The following GALK2 variants were observed in gnomAD, a reference collection of about 807,000 sequenced individuals.
The protein encoded by GALK2 is galactokinase 2, also known as N-acetylgalactosamine kinase.
In GALK2, 36 loss-of-function variants were observed where a neutral mutation model predicts 52.4. That is an observed-to-expected ratio of 0.69 (90% CI 0.53 to 0.91). The LOEUF (loss-of-function observed/expected upper bound fraction) is 0.91, where lower values mean the gene tolerates loss of function less well. Ranked by LOEUF, GALK2 falls within the 40% of genes least tolerant of loss-of-function variation. GALK2 has a pLI of 0.00. For synonymous variants in GALK2, 176 were observed against 199.1 expected (o/e 0.88, Z 0.98); for missense variants, 579 against 559.1 (o/e 1.04, Z -0.36).
rs190501547 is a variant in GALK2 at position 49,280,526 on chromosome 15, G to A, written c.505-1461G>A. Among the ~76,000 whole-genome samples the A allele has an allele frequency of 3.0e-3, 452 of 152,288 alleles. 5 individuals are homozygous for A. Among genetic ancestry groups the A allele is most frequent in the African/African-American group, 0.01 (428 of 41,558 alleles). On this transcript the variant is annotated intron_variant, in intron 5 of 9. Coordinates refer to ENST00000560031, the MANE Select transcript of GALK2 (RefSeq NM_002044.4). ...TGGTGGGAGAGCAGGCTGGAGAAGT[G>A]CACTAGGGTTAAGTCATTAAAGACC... is the stretch of plus-strand genomic sequence containing the variant.
At chr15:49,354,872 C>T (rs1166380651) in intron 3 of GALK2, among the ~76,000 whole-genome samples, 1 of 151,924 alleles carries the variant, frequency 6.6e-6, no homozygotes, top group Non-Finnish European at 1.5e-5. Flanking sequence ...AGTGGTTCTC[C>T]CAGCATGCAG....
At chr15:49,362,047 T>C (rs2044333236) in intron 3 of GALK2, among the ~76,000 whole-genome samples, 1 of 152,228 alleles carries the variant, frequency 6.6e-6, no homozygotes, top group African/African-American at 2.4e-5. Context: ...ATGTCTTCTT[T>C]TGAAATGTGT....
chr15:49,159,367 G>A (rs906498316), intron 1 of GALK2, among the ~76,000 whole-genome samples: 2 of 152,126 alleles, frequency 1.3e-5, no homozygotes, highest in African/African-American at 4.8e-5. Flanking sequence ...CCTGAGGTCA[G>A]GAGTTTGAGA....
intron 1 of GALK2, among the ~76,000 whole-genome samples, chr15:49,181,696 AAT>A (rs112466910): frequency 5.1e-4 from 78 of 152,024 alleles, no homozygotes; most frequent in African/African-American, 1.8e-3. Flanking sequence ...ATTTAAAAAA[AAT>A]AGTTTTTTAT....
intron 3 of GALK2, among the ~76,000 whole-genome samples, chr15:49,357,723 C>A (rs552696911): frequency 6.6e-6 from 1 of 152,132 alleles, no homozygotes; most frequent in East Asian, 1.9e-4. Flanking sequence ...AGGGAATCCT[C>A]CCTAACTCAT....
At chr15:49,349,640 G>A (rs1210264375) in intron 3 of GALK2, among the ~76,000 whole-genome samples, 1 of 152,082 alleles carries the variant, frequency 6.6e-6, no homozygotes, top group Non-Finnish European at 1.5e-5. Flanking sequence ...GCATCAAAGG[G>A]AATTGAGCAG....
At chr15:49,318,936 T>C (rs1188691578) in intron 8 of GALK2, 2 of 452,874 alleles carry the variant, frequency 4.4e-6, no homozygotes, top group South Asian at 3.1e-5. Flanking sequence ...CTTTATGAGG[T>C]AGTACTTTTC....
chr15:49,318,471 T>A (rs1178222077), intron 8 of GALK2, among the ~76,000 whole-genome samples: 3 of 152,174 alleles, frequency 2.0e-5, no homozygotes, highest in Non-Finnish European at 4.4e-5. Context: ...TGTAGGTTGT[T>A]TTTTCACTTA....
chr15:49,256,749 G>A (rs1462035371), intron 5 of GALK2, among the ~76,000 whole-genome samples: 6 of 152,042 alleles, frequency 3.9e-5, no homozygotes, highest in Non-Finnish European at 8.8e-5. Context: ...TCACTATAGC[G>A]CTTCTTAGTT....
At chr15:49,248,147 CAGAATAAGACCTTGTGCCTAA>C (rs1296503983) in intron 5 of GALK2, among the ~76,000 whole-genome samples, 1 of 152,080 alleles carries the variant, frequency 6.6e-6, no homozygotes, top group Non-Finnish European at 1.5e-5. Flanking sequence ...TCTTGGCCTT[CAGAATAAGACCTTGTGCCTAA>C]AGAATAAAGA....
intron 5 of GALK2, among the ~76,000 whole-genome samples, chr15:49,264,179 C>G (rs1241846998): frequency 0.017 from 2,612 of 151,662 alleles, 86 homozygotes; most frequent in African/African-American, 0.061. Flanking sequence ...CAACTTGGTT[C>G]CATTCTCCCC....
intron 8 of GALK2, among the ~76,000 whole-genome samples, chr15:49,300,500 T>C (rs1461710263): frequency 6.6e-6 from 1 of 152,096 alleles, no homozygotes; most frequent in Non-Finnish European, 1.5e-5. Context: ...GGTTGTTTTG[T>C]AGCATTGATT....
At chr15:49,195,255 T>C in intron 1 of GALK2, 1 of 335,864 alleles carries the variant, frequency 3.0e-6, no homozygotes, top group African/African-American at 2.2e-5. Context: ...GTATTTTTAG[T>C]AGAGATGGTG....
intron 8 of GALK2, among the ~76,000 whole-genome samples, chr15:49,296,115 T>C (rs375771841): frequency 2.0e-5 from 3 of 152,316 alleles, no homozygotes; most frequent in African/African-American, 7.2e-5. Flanking sequence ...AGAACTTTTA[T>C]TTATTTTCTT....
At chr15:49,348,110 C>T (rs892069515) in intron 3 of GALK2, among the ~76,000 whole-genome samples, 9 of 151,220 alleles carry the variant, frequency 6.0e-5, no homozygotes, top group African/African-American at 1.7e-4. Flanking sequence ...TAATTATGGG[C>T]CACAGATCAC....
At chr15:49,239,566 T>C (rs1456321281) in intron 5 of GALK2, among the ~76,000 whole-genome samples, 199 bp downstream of exon 5, 1 of 152,254 alleles carries the variant, frequency 6.6e-6, no homozygotes, top group Non-Finnish European at 1.5e-5. Context: ...TGAATAGATC[T>C]GTGAATAACT....
intron 1 of GALK2, among the ~76,000 whole-genome samples, chr15:49,184,471 C>T (rs1258055204): frequency 2.0e-5 from 3 of 152,120 alleles, no homozygotes; most frequent in South Asian, 4.2e-4. Context: ...AGTCCATTTA[C>T]GTTCAATGTT....
chr15:49,313,250 AAG>A, intron 8 of GALK2, among the ~76,000 whole-genome samples: 1 of 152,326 alleles, frequency 6.6e-6, no homozygotes, highest in East Asian at 1.9e-4. Context: ...TTCCAATATA[AAG>A]ACATTTGAGT....
At chr15:49,349,678 T>A (rs1364971438) in intron 3 of GALK2, among the ~76,000 whole-genome samples, 1 of 152,146 alleles carries the variant, frequency 6.6e-6, no homozygotes, top group East Asian at 1.9e-4. Context: ...ATATTCTAAC[T>A]GTAAAAAGGC....
Sources: gnomAD v4.1 joint callset for allele counts (sites outside exome capture counted in the v4.1 genomes callset) on GRCh38, gnomAD v4.1.1 for gene constraint, MANE v1.5 for transcripts, NCBI Gene and HGNC (gene_info 2026-07-23, HGNC 2026-07-21) for gene names.